USP25: variants seen among roughly 807,000 people sequenced by gnomAD.
The protein encoded by USP25 is ubiquitin carboxyl-terminal hydrolase 25.
USP25 carries 85 observed loss-of-function variants against 158.5 expected under a neutral mutation model. That is an observed-to-expected ratio of 0.54 (90% confidence interval 0.45 to 0.64). USP25 has a LOEUF of 0.64. USP25 is among the 30% of genes least tolerant of loss of function. USP25 has a pLI of 0.00. For missense variants in USP25, 1,242 were observed against 1,327.3 expected (o/e 0.94, Z 1.00); for synonymous variants, 464 against 460.4 (o/e 1.01, Z -0.10).
intron 5 of USP25, among the ~76,000 whole-genome samples, chr21:15,792,238 A>G (rs1045374014): frequency 2.0e-5 from 3 of 151,776 alleles, no homozygotes; most frequent in South Asian, 2.1e-4. Context: ...TGATCTGCTT[A>G]TTCTAAAATA....
chr21:15,750,566 G>C (rs2032930138), intron 1 of USP25, among the ~76,000 whole-genome samples: 1 of 151,360 alleles, frequency 6.6e-6, no homozygotes, highest in South Asian at 2.1e-4. Context: ...GTAAATAGTA[G>C]TTCTATGATA....
intron 1 of USP25, among the ~76,000 whole-genome samples, chr21:15,745,564 T>G (rs1324718175): frequency 7.0e-6 from 1 of 143,256 alleles, no homozygotes; most frequent in Non-Finnish European, 1.5e-5. Context: ...AGCCTCCGCC[T>G]CCCTGGGTTC....
chr21:15,736,166 C>A (rs1033350689), intron 1 of USP25, among the ~76,000 whole-genome samples: 1 of 151,954 alleles, frequency 6.6e-6, no homozygotes, highest in Admixed American at 6.5e-5. Flanking sequence ...GGTGCAATCT[C>A]AGCTCACTGC....
At chr21:15,867,065 C>G (rs2039689469) in intron 22 of USP25, among the ~76,000 whole-genome samples, 1 of 152,120 alleles carries the variant, frequency 6.6e-6, no homozygotes, top group Non-Finnish European at 1.5e-5. Context: ...TGAGAGAGCA[C>G]TTACATAGGT....
chr21:15,858,963 G>A (rs1164300276), intron 20 of USP25, among the ~76,000 whole-genome samples: 2 of 151,460 alleles, frequency 1.3e-5, no homozygotes, highest in Non-Finnish European at 1.5e-5. Flanking sequence ...TTTGATCTAT[G>A]TTTAAAAAAA....
At position 15,824,147 on chromosome 21, in the gene USP25, C is replaced by A. The variant is rs2146351525; in HGVS notation, c.1189C>A (p.Gln397Lys). ...AATTCACAACAAATTAGAATTTCCC[C>A]AAGTTTTATATTTGGACAGGTATGG... ...EKIHNKLEFP[Q>K]VLYLDRYMHR... The change falls in exon 11 of 26, where the codon CAA becomes AAA. Residue 397 changes from glutamine to lysine, a missense_variant. Transcript: ENST00000400183. 1 of 1,612,816 alleles carries A rather than the reference C, an allele frequency of 6.2e-7. No individual in the cohort carries two copies. The highest frequency in any genetic ancestry group is 1.3e-5 in the African/African-American group (1 of 74,970).
At chr21:15,785,533 A>G (rs2035222996) in intron 4 of USP25, among the ~76,000 whole-genome samples, 1 of 152,238 alleles carries the variant, frequency 6.6e-6, no homozygotes, top group Non-Finnish European at 1.5e-5. Flanking sequence ...TTAGAAACCA[A>G]CAAATACATG....
At chr21:15,751,465 G>C (rs558577664) in intron 1 of USP25, among the ~76,000 whole-genome samples, 2 of 152,280 alleles carry the variant, frequency 1.3e-5, no homozygotes, top group African/African-American at 4.8e-5. Context: ...ATTAGTATAA[G>C]GGAGTTTATT....
chr21:15,792,726 C>T (rs1568811962), intron 5 of USP25, among the ~76,000 whole-genome samples: 1 of 151,382 alleles, frequency 6.6e-6, no homozygotes, highest in Non-Finnish European at 1.5e-5. Context: ...TCACCGTTTT[C>T]TCCCTTTTTG....
At chr21:15,825,239 T>C (rs2037443796) in intron 12 of USP25, among the ~76,000 whole-genome samples, 178 bp downstream of exon 12, 1 of 152,194 alleles carries the variant, frequency 6.6e-6, no homozygotes, top group Non-Finnish European at 1.5e-5. Context: ...AAAAAATTAT[T>C]CTAGTGTTTA....
chr21:15,851,661 A>C (rs866198616), intron 20 of USP25, among the ~76,000 whole-genome samples: 1 of 151,930 alleles, frequency 6.6e-6, no homozygotes, highest in African/African-American at 2.4e-5. Context: ...CCTTAAACTT[A>C]GTTGTTTTGT....
At chr21:15,870,308 T>TA (rs2039832017) in intron 23 of USP25, among the ~76,000 whole-genome samples, 161 bp downstream of exon 23, 1 of 152,208 alleles carries the variant, frequency 6.6e-6, no homozygotes, top group African/African-American at 2.4e-5. Context: ...ACACAGTTGA[T>TA]ATAGAGACTT....
intron 1 of USP25, among the ~76,000 whole-genome samples, chr21:15,745,755 C>T (rs1001025467): frequency 2.6e-5 from 4 of 152,134 alleles, no homozygotes; most frequent in South Asian, 2.1e-4. Context: ...GGATTACAGG[C>T]GTGAGCCACC....
At chr21:15,871,990 C>CA (rs35733221) in intron 23 of USP25, among the ~76,000 whole-genome samples, 3,937 of 65,174 alleles carry the variant, frequency 0.06, 190 homozygotes, top group East Asian at 0.19. Context: ...GACACTGTCT[C>CA]AAAAAAAAAA....
At chr21:15,852,117 T>G (rs964777690) in intron 20 of USP25, among the ~76,000 whole-genome samples, 5 of 152,140 alleles carry the variant, frequency 3.3e-5, no homozygotes, top group African/African-American at 4.8e-5. Context: ...GTTTTCAAGT[T>G]GCTTTGGAGA....
intron 3 of USP25, among the ~76,000 whole-genome samples, chr21:15,774,036 G>C (rs554729355): frequency 6.6e-6 from 1 of 152,238 alleles, no homozygotes; most frequent in African/African-American, 2.4e-5. Context: ...AAAGGGAGGA[G>C]TATTTTAACT....
At chr21:15,854,173 T>C (rs1162175558) in intron 20 of USP25, among the ~76,000 whole-genome samples, 2 of 151,884 alleles carry the variant, frequency 1.3e-5, no homozygotes, top group Non-Finnish European at 2.9e-5. Flanking sequence ...TGAGGCAAAG[T>C]CTCACTCTGT....
At chr21:15,870,215 C>T (rs2039828196) in intron 23 of USP25, 68 bp downstream of exon 23, 1 of 1,035,102 alleles carries the variant, frequency 9.7e-7, no homozygotes, top group Non-Finnish European at 1.4e-6. Flanking sequence ...GGTGTGACCT[C>T]ATCCATGGAA....
chr21:15,745,080 ATGT>A (rs2032422279), intron 1 of USP25: 1 of 151,812 alleles, frequency 6.6e-6, no homozygotes, highest in Non-Finnish European at 1.5e-5. Flanking sequence ...CTGAGTGCTG[ATGT>A]TGTTCTGCCT....
Sources: gnomAD v4.1 joint callset for allele counts (sites outside exome capture counted in the v4.1 genomes callset) on GRCh38, gnomAD v4.1.1 for gene constraint, MANE v1.5 for transcripts, NCBI Gene and HGNC (gene_info 2026-07-23, HGNC 2026-07-21) for gene names.